The following NRXN3 variants were observed in gnomAD, a reference collection of about 807,000 sequenced individuals.
The protein encoded by NRXN3 is neurexin 3.
Under a neutral mutation model 137.6 loss-of-function variants are expected in NRXN3, and 32 were observed. The observed-to-expected ratio is 0.23, with a 90% confidence interval of 0.18 to 0.31. The LOEUF (loss-of-function observed/expected upper bound fraction) is 0.31. NRXN3 is among the 10% of genes least tolerant of loss of function. NRXN3 has a pLI of 1.00. For missense variants in NRXN3, 1,574 were observed against 2,062.5 expected, an observed-to-expected ratio of 0.76 and a Z score of 4.59; for synonymous variants, 798 against 784.5, an observed-to-expected ratio of 1.02 and a Z score of -0.29.
At chr14:79,413,191 A>G (rs2095444031) in intron 15 of NRXN3, among the ~76,000 whole-genome samples, 1 of 152,156 alleles carries the variant, frequency 6.6e-6, no homozygotes, top group African/African-American at 2.4e-5. Context: ...CTTACTTTCT[A>G]CTGTGCTTCT....
chr14:79,433,401 C>T (rs2095794974), intron 15 of NRXN3, among the ~76,000 whole-genome samples: 1 of 152,064 alleles, frequency 6.6e-6, no homozygotes, highest in African/African-American at 2.4e-5. Context: ...AGTGGGTGTC[C>T]AGAGAATTCA....
chr14:79,240,196 C>G (rs1031458711), intron 15 of NRXN3, among the ~76,000 whole-genome samples: 1 of 152,038 alleles, frequency 6.6e-6, no homozygotes, highest in African/African-American at 2.4e-5. Context: ...AAAATAATCT[C>G]TAAGTCTTCT....
At position 79,467,357 on chromosome 14, in the gene NRXN3, C is replaced by T; in HGVS notation, c.3399C>T (p.Arg1133=). 1 of 1,612,370 alleles carries T rather than the reference C, an allele frequency of 6.2e-7. No individual in the cohort carries two copies. Among genetic ancestry groups the T allele is most frequent in the Non-Finnish European group, 8.5e-7 (1 of 1,178,498 alleles). The change falls in exon 16 of 21, where the codon CGC becomes CGT. Residue 1133 remains arginine (R), a synonymous_variant. Coordinates refer to ENST00000335750, the MANE Select transcript of NRXN3 (RefSeq NM_001330195.2). ...CTGTGAAGGATGGCATCTTGGTCCGCATCGACAGTGCTCCAGGACTTGGTG... is the reference window on the plus strand; with the variant it reads ...CTGTGAAGGATGGCATCTTGGTCCGTATCGACAGTGCTCCAGGACTTGGTG... ...STTVKDGILV[R]IDSAPGLGDF...
chr14:78,300,446 G>A (rs909326590), intron 4 of NRXN3, among the ~76,000 whole-genome samples: 2 of 152,228 alleles, frequency 1.3e-5, no homozygotes, highest in Non-Finnish European at 1.5e-5. Context: ...TGGTCACAGC[G>A]TTTACTGCTT....
At chr14:78,171,793 G>A (rs2058749577) in intron 1 of NRXN3, among the ~76,000 whole-genome samples, 1 of 152,014 alleles carries the variant, frequency 6.6e-6, no homozygotes, top group Admixed American at 6.6e-5. Flanking sequence ...TTTTAATTTG[G>A]ATGTAGAAAT....
intron 19 of NRXN3, among the ~76,000 whole-genome samples, chr14:79,763,411 T>TCTATATTTA (rs1568158531): frequency 6.6e-6 from 1 of 150,836 alleles, no homozygotes; most frequent in Non-Finnish European, 1.5e-5. Flanking sequence ...TTATAATCCT[T>TCTATATTTA]TGGGTATACA....
At chr14:78,926,862 A>AT (rs2099301742) in intron 10 of NRXN3, among the ~76,000 whole-genome samples, 1 of 19,192 alleles carries the variant, frequency 5.2e-5, no homozygotes, top group Non-Finnish European at 7.2e-5. Flanking sequence ...TATATATATA[A>AT]TATATATATA....
intron 6 of NRXN3, among the ~76,000 whole-genome samples, chr14:78,690,945 G>A (rs746902569): frequency 5.9e-5 from 9 of 152,140 alleles, no homozygotes; most frequent in Admixed American, 4.6e-4. Flanking sequence ...CCAAGACACC[G>A]CAGTGAAAAC....
In NRXN3 at chr14:79,837,647, C is replaced by T. The variant is rs554776886; in HGVS notation, c.4094-23695C>T. Among the ~76,000 whole-genome samples, 7 of 152,262 alleles carry T rather than the reference C, an allele frequency of 4.6e-5. No individual in the cohort carries two copies. In the South Asian group the frequency reaches 1.5e-3, roughly 32 times the overall value. On this transcript the variant is annotated intron_variant, in intron 20 of 20. Transcript: ENST00000335750. ...TGCTTTACAAAGTTATTCTTTTCAC[C>T]ACTAATAGTTCTTTGATGTCATTTT...
At chr14:78,692,501 C>T (rs1033855344) in intron 6 of NRXN3, among the ~76,000 whole-genome samples, 3 of 152,194 alleles carry the variant, frequency 2.0e-5, no homozygotes, top group Non-Finnish European at 2.9e-5. Flanking sequence ...GATGGGGACT[C>T]TTTCATGAAA....
intron 4 of NRXN3, among the ~76,000 whole-genome samples, chr14:78,314,881 CTTTCTTTCTTTCTCTTTCTTTCTTT>C (rs2078396067): frequency 4.4e-4 from 44 of 99,128 alleles, no homozygotes; most frequent in Non-Finnish European, 6.9e-4. Flanking sequence ...CTTTTCCGTT[CTTTCTTTCTTTCTCTTTCTTTCTTT>C]CTTTCTTTCT....
chr14:79,790,952 C>G (rs1339878729), intron 19 of NRXN3, among the ~76,000 whole-genome samples: 1 of 152,066 alleles, frequency 6.6e-6, no homozygotes, highest in Non-Finnish European at 1.5e-5. Context: ...CCCGGTCCAG[C>G]TCAGACTCTT....
intron 15 of NRXN3, among the ~76,000 whole-genome samples, chr14:79,126,420 C>T (rs367903823): frequency 1.1e-4 from 16 of 146,074 alleles, no homozygotes; most frequent in Admixed American, 6.5e-4. Context: ...TGAGAATATG[C>T]GGTGTTTGGT....
rs553452402 is a variant in NRXN3, at chr14:78,238,376, G to A, written c.-703-4015G>A. On this transcript the variant is annotated intron_variant, in intron 1 of 20. Coordinates refer to ENST00000335750, the MANE Select transcript of NRXN3 (RefSeq NM_001330195.2). Reference sequence around the variant, plus strand: ...GCTCTGGGGCAAACCACCTGTGTGCGTGGCTGCCTGCGTTCTCCTATGGTT... The same window carrying A: ...GCTCTGGGGCAAACCACCTGTGTGCATGGCTGCCTGCGTTCTCCTATGGTT... Among the ~76,000 whole-genome samples, 28 of 152,324 alleles carry A rather than the reference G, an allele frequency of 1.8e-4. No homozygotes were observed. In the East Asian group the frequency reaches 1.9e-3, roughly 11 times the overall value.
intron 10 of NRXN3, among the ~76,000 whole-genome samples, chr14:78,926,718 T>G (rs1424577108): frequency 1.2e-5 from 1 of 83,198 alleles, no homozygotes; most frequent in Non-Finnish European, 2.2e-5. Context: ...ATATATTATA[T>G]AATTATATAT....
At chr14:78,941,976 C>T (rs986007475) in intron 10 of NRXN3, among the ~76,000 whole-genome samples, 1 of 152,142 alleles carries the variant, frequency 6.6e-6, no homozygotes, top group Non-Finnish European at 1.5e-5. Flanking sequence ...TCTGAAAAAA[C>T]TTGCTTCTAG....
intron 1 of NRXN3, among the ~76,000 whole-genome samples, chr14:78,224,338 A>G (rs530922286): frequency 2.6e-5 from 4 of 151,966 alleles, no homozygotes; most frequent in Admixed American, 2.6e-4. Context: ...GGTTAGTTAC[A>G]TATGTATACA....
chr14:79,060,366 C>T (rs1175080805), intron 15 of NRXN3, among the ~76,000 whole-genome samples: 1 of 152,154 alleles, frequency 6.6e-6, no homozygotes, highest in Non-Finnish European at 1.5e-5. Flanking sequence ...AGTGTTGTGT[C>T]TTCTATACTT....
At chr14:79,740,117 T>C (rs1424549135) in intron 19 of NRXN3, among the ~76,000 whole-genome samples, 1 of 152,206 alleles carries the variant, frequency 6.6e-6, no homozygotes. Flanking sequence ...CTCTAGCCCC[T>C]GAGCTGAAAC....
Sources: allele counts gnomAD v4.1 joint callset (sites outside exome capture counted in the v4.1 genomes callset), GRCh38; gene constraint gnomAD v4.1.1; transcripts MANE v1.5; gene names NCBI Gene and HGNC (gene_info 2026-07-23, HGNC 2026-07-21).